GALNT13: variants seen among roughly 807,000 people sequenced by gnomAD.
The protein encoded by GALNT13 is UDP-GalNAc:polypeptide N-acetylgalactosaminyltransferase 13.
Under a neutral mutation model 64.2 loss-of-function variants are expected in GALNT13, and 28 were observed. That is an observed-to-expected ratio of 0.44 (90% confidence interval 0.32 to 0.60). GALNT13 has a LOEUF of 0.60. Ranked by LOEUF, GALNT13 falls within the 20% of genes least tolerant of loss-of-function variation. The probability of loss-of-function intolerance (pLI) is 0.05; values close to 1 mark genes in which losing one functional copy is unlikely to be tolerated. For synonymous variants in GALNT13, 214 were observed against 224.6 expected (o/e 0.95, Z 0.42); for missense variants, 577 against 669.8 (o/e 0.86, Z 1.53).
intron 4 of GALNT13, among the ~76,000 whole-genome samples, chr2:154,205,945 T>C (rs1050107006): frequency 2.6e-5 from 4 of 152,104 alleles, no homozygotes; most frequent in Non-Finnish European, 5.9e-5. Flanking sequence ...TGTATTTTAT[T>C]TACAGGCTCT....
intron 2 of GALNT13, among the ~76,000 whole-genome samples, chr2:153,940,488 T>C (rs1446074096): frequency 6.6e-6 from 1 of 151,990 alleles, no homozygotes; most frequent in Non-Finnish European, 1.5e-5. Flanking sequence ...AACTCCTTAC[T>C]TCAGGTGATC....
the GALNT13 span, among the ~76,000 whole-genome samples, chr2:153,545,850 G>T: frequency 6.6e-6 from 1 of 152,184 alleles, no homozygotes; most frequent in African/African-American, 2.4e-5. Context: ...CTGGCAAGAG[G>T]ATATGCCTAG....
the GALNT13 span, among the ~76,000 whole-genome samples, chr2:153,269,117 G>T: frequency 3.3e-5 from 5 of 152,202 alleles, no homozygotes; most frequent in Non-Finnish European, 7.4e-5. Context: ...TCCAGAAAAT[G>T]GGTTTTTCTT....
At chr2:153,805,197 C>T in the GALNT13 span, among the ~76,000 whole-genome samples, 24 of 151,820 alleles carry the variant, frequency 1.6e-4, no homozygotes, top group East Asian at 3.3e-3. Context: ...GAAAGCTCAA[C>T]ATTTAGATAA....
the GALNT13 span, among the ~76,000 whole-genome samples, chr2:153,754,005 C>T: frequency 6.6e-6 from 1 of 152,194 alleles, no homozygotes; most frequent in Admixed American, 6.5e-5. Flanking sequence ...ACCACAATTC[C>T]ACTGTAAGAC....
chr2:153,611,277 A>C, the GALNT13 span, among the ~76,000 whole-genome samples: 1 of 152,330 alleles, frequency 6.6e-6, no homozygotes, highest in Non-Finnish European at 1.5e-5. Flanking sequence ...AATTAATTAA[A>C]TTGCCCAACT....
At chr2:153,780,234 T>TATATATATGC in the GALNT13 span, among the ~76,000 whole-genome samples, 5 of 10,566 alleles carry the variant, frequency 4.7e-4, no homozygotes, top group Admixed American at 3.4e-3. Flanking sequence ...TATATATATA[T>TATATATATGC]ATATATATAT....
At chr2:153,150,817 G>C in the GALNT13 span, among the ~76,000 whole-genome samples, 2 of 151,994 alleles carry the variant, frequency 1.3e-5, no homozygotes, top group Non-Finnish European at 1.5e-5. Context: ...GCTCTGTTCT[G>C]TTCCATTGGT....
intron 3 of GALNT13, among the ~76,000 whole-genome samples, chr2:153,997,491 A>G (rs2348542): frequency 0.19 from 28,245 of 151,420 alleles, 3,379 homozygotes; most frequent in Non-Finnish European, 0.26. Flanking sequence ...ATTGCCTTAG[A>G]AAAAATGCTT....
chr2:154,156,682 T>G (rs1269372499), intron 4 of GALNT13, among the ~76,000 whole-genome samples: 1 of 152,294 alleles, frequency 6.6e-6, no homozygotes, highest in East Asian at 1.9e-4. Flanking sequence ...TCTGAGTATT[T>G]GCTCTCAACC....
At chr2:154,023,500 G>C (rs1697693859) in intron 3 of GALNT13, among the ~76,000 whole-genome samples, 1 of 152,116 alleles carries the variant, frequency 6.6e-6, no homozygotes, top group South Asian at 2.1e-4. Context: ...TGTTTTATGA[G>C]AGACTAGGAT....
chr2:153,124,790 C>T, the GALNT13 span, among the ~76,000 whole-genome samples: 18 of 152,308 alleles, frequency 1.2e-4, no homozygotes, highest in East Asian at 3.3e-3. Flanking sequence ...GTGTGAGCCA[C>T]CATGCCCAGC....
chr2:153,310,047 C>T, the GALNT13 span, among the ~76,000 whole-genome samples: 9 of 152,112 alleles, frequency 5.9e-5, no homozygotes, highest in African/African-American at 1.4e-4. Context: ...AAATCTAATA[C>T]GTCCTCCTCT....
At chr2:153,271,735 T>A in the GALNT13 span, among the ~76,000 whole-genome samples, 1 of 152,172 alleles carries the variant, frequency 6.6e-6, no homozygotes, top group Admixed American at 6.6e-5. Context: ...CAAGCTACCA[T>A]TGACTTTCTT....
chr2:153,733,523 C>A, the GALNT13 span, among the ~76,000 whole-genome samples: 3 of 152,204 alleles, frequency 2.0e-5, no homozygotes, highest in Non-Finnish European at 4.4e-5. Flanking sequence ...TACCCCCATG[C>A]ACACATATTT....
At chr2:154,061,804 A>G (rs1700202984) in intron 3 of GALNT13, among the ~76,000 whole-genome samples, 1 of 151,982 alleles carries the variant, frequency 6.6e-6, no homozygotes, top group African/African-American at 2.4e-5. Flanking sequence ...TCATTAGGAG[A>G]AATTGCTTTC....
intron 9 of GALNT13, among the ~76,000 whole-genome samples, chr2:154,379,171 C>T (rs1166165661): frequency 6.6e-6 from 1 of 151,968 alleles, no homozygotes. Flanking sequence ...ATGTCATTCG[C>T]TCATCTTAGT....
At chr2:154,054,277 T>C (rs1440233210) in intron 3 of GALNT13, among the ~76,000 whole-genome samples, 2 of 152,078 alleles carry the variant, frequency 1.3e-5, no homozygotes, top group Non-Finnish European at 2.9e-5. Flanking sequence ...ATGTTTTGTA[T>C]GCTACCTTTC....
chr2:153,923,097 A>G (rs907850874), intron 2 of GALNT13, among the ~76,000 whole-genome samples: 13 of 152,044 alleles, frequency 8.6e-5, no homozygotes, highest in African/African-American at 3.1e-4. Context: ...ACTGGGTTTC[A>G]CTATGTTCAC....
Sources: allele counts gnomAD v4.1 joint callset (sites outside exome capture counted in the v4.1 genomes callset), GRCh38; gene constraint gnomAD v4.1.1; transcripts MANE v1.5; gene names NCBI Gene and HGNC (gene_info 2026-07-23, HGNC 2026-07-21).